POLQ: variants seen among roughly 807,000 people sequenced by gnomAD.
The protein encoded by POLQ is epididymis secretory sperm binding protein.
Under a neutral mutation model 259.2 loss-of-function variants are expected in POLQ, and 233 were observed. The observed-to-expected ratio is 0.90, with a 90% confidence interval of 0.81 to 1.00. The LOEUF is 1.00. POLQ is among the 50% of genes least tolerant of loss of function. The pLI, the probability that POLQ is intolerant of heterozygous loss-of-function variation, is 0.00. For missense variants in POLQ, 2,871 were observed against 3,051.6 expected, an observed-to-expected ratio of 0.94 and a Z score of 1.39; for synonymous variants, 1,025 against 1,048.8, an observed-to-expected ratio of 0.98 and a Z score of 0.44.
chr3:121,467,269 G>T (rs186257052), intron 24 of POLQ, among the ~76,000 whole-genome samples: 1 of 152,214 alleles, frequency 6.6e-6, no homozygotes, highest in East Asian at 1.9e-4. Context: ...TTACAATGAC[G>T]TTAGAAAACA....
chr3:121,452,529 T>C (rs967576801), intron 25 of POLQ, among the ~76,000 whole-genome samples: 2 of 151,014 alleles, frequency 1.3e-5, no homozygotes, highest in African/African-American at 2.4e-5. Context: ...CTTAGTGCTG[T>C]CTGAGATCTC....
intron 14 of POLQ, chr3:121,494,034 CCTCT>C (rs139763995): frequency 1.3e-5 from 8 of 599,782 alleles, no homozygotes; most frequent in East Asian, 5.6e-5. Context: ...CTAATTCATT[CCTCT>C]CTCTCTCTCT....
chr3:121,499,261 C>A, intron 12 of POLQ, among the ~76,000 whole-genome samples: 1 of 133,358 alleles, frequency 7.5e-6, no homozygotes, highest in African/African-American at 2.8e-5. Context: ...TTTATAGAAC[C>A]CAAGTCTTTT....
rs200881849 is a variant in POLQ, at chr3:121,487,695, T to C, written c.5236A>G (p.Lys1746Glu). Residue 1746 changes from lysine to glutamate, a missense_variant, in exon 16 of 30, where the codon AAG becomes GAG. Lys to Glu is a moderately conservative substitution (Grantham distance 56). Transcript: ENST00000264233. ...TCAAGAATCCCTGGAAATGTCAGCT[T>C]AGAAGCAGATGTTGGAATGGGTGTA... is the stretch of plus-strand genomic sequence containing the variant. ...PPTPIPTSAS[K>E]LTFPGILETP... The C allele has an allele frequency of 1.6e-5, 26 of 1,613,978 alleles. No homozygotes were observed. The Admixed American group carries it at 2.5e-4, about 16-fold the overall frequency.
chr3:121,500,067 G>A (rs1449961606), intron 12 of POLQ, among the ~76,000 whole-genome samples: 3 of 152,144 alleles, frequency 2.0e-5, no homozygotes, highest in African/African-American at 4.8e-5. Context: ...GACCACTTGA[G>A]CTCAGGAGTT....
At position 121,537,117 on chromosome 3, in the gene POLQ, A is replaced by C; in HGVS notation, c.723T>G (p.Thr241=). ...GTACTTACCAAGATGCTGATTTCCGAGTAATATAGCAAATCTTGGTCAGCA... is the reference window on the plus strand; with the variant it reads ...GTACTTACCAAGATGCTGATTTCCGCGTAATATAGCAAATCTTGGTCAGCA... ...ELLLTKICYI[T]RKSASCQADL... is the part of the protein sequence containing the mutation. The change falls in exon 5 of 30, where the codon ACT becomes ACG. Residue 241 remains threonine, a synonymous_variant. Transcript: ENST00000264233. 3 of 1,549,074 alleles carry C rather than the reference A, an allele frequency of 1.9e-6. No homozygotes were observed. Among genetic ancestry groups the C allele is most frequent in the Non-Finnish European group, 2.7e-6 (3 of 1,120,988 alleles).
At chr3:121,509,215 T>C (rs2048233097) in intron 12 of POLQ, among the ~76,000 whole-genome samples, 2 of 152,328 alleles carry the variant, frequency 1.3e-5, no homozygotes, top group African/African-American at 2.4e-5. Context: ...CGCATGTTTG[T>C]GTACTGACCT....
chr3:121,467,122 T>C (rs542809158), intron 24 of POLQ, among the ~76,000 whole-genome samples: 24 of 151,678 alleles, frequency 1.6e-4, no homozygotes, highest in Non-Finnish European at 3.2e-4. Flanking sequence ...GCAAACAAGT[T>C]AGAAGGAGAG....
chr3:121,503,852 T>C (rs2048190727), intron 12 of POLQ, among the ~76,000 whole-genome samples: 1 of 152,148 alleles, frequency 6.6e-6, no homozygotes, highest in African/African-American at 2.4e-5. Flanking sequence ...GTATGTTCAG[T>C]ACAGAAAAAA....
Position 121,493,726 on chromosome 3 carries a change from A to G in POLQ, c.2279-5T>C. The G allele has an allele frequency of 1.2e-6, 2 of 1,606,862 alleles. No individual in the cohort carries two copies. Among genetic ancestry groups the G allele is most frequent in the South Asian group, 1.1e-5 (1 of 90,414 alleles). On this transcript the variant is annotated splice_region_variant and splice_polypyrimidine_tract_variant and intron_variant, in intron 14 of 29. Coordinates refer to ENST00000264233, the MANE Select transcript of POLQ (RefSeq NM_199420.4). Reference sequence around the variant, plus strand: ...TGGAAAATACTGTAATCATCCCTAGAACATTCATAGAATATTTGTTGAATT... The same window carrying G: ...TGGAAAATACTGTAATCATCCCTAGGACATTCATAGAATATTTGTTGAATT...
chr3:121,477,436 A>G (rs959591685), intron 19 of POLQ, among the ~76,000 whole-genome samples: 3 of 152,172 alleles, frequency 2.0e-5, no homozygotes, highest in African/African-American at 7.2e-5. Flanking sequence ...TCCCCAAGAT[A>G]TCTCATTATA....
intron 26 of POLQ, among the ~76,000 whole-genome samples, chr3:121,447,064 T>TC (rs1271169642): frequency 1.3e-5 from 2 of 151,756 alleles, no homozygotes; most frequent in Non-Finnish European, 2.9e-5. Flanking sequence ...TAAAGGTGAT[T>TC]TTTTCTGGTG....
At position 121,488,793 on chromosome 3, in the gene POLQ, G is replaced by C. The variant is rs1204227871; in HGVS notation, c.4138C>G (p.His1380Asp). 1.9e-6 allele frequency: 3 copies of C among 1,613,808 alleles called. No individual in the cohort carries two copies. The highest frequency in any genetic ancestry group is 2.5e-6 in the Non-Finnish European group (3 of 1,179,928). Reference sequence around the variant, plus strand: ...TCTATCTTAGTCGCTCCTAGAGGGTGCTGTTCAGCAGGAAAAGGAATGTGA... The same window carrying C: ...TCTATCTTAGTCGCTCCTAGAGGGTCCTGTTCAGCAGGAAAAGGAATGTGA... The part of the protein sequence containing the change: ...ECHIPFPAEQ[H>D]PLGATKIDHL... Residue 1380 changes from histidine to aspartate, a missense_variant, in exon 16 of 30, where the codon CAC (histidine) becomes GAC (aspartate). Physicochemically the swap from His to Asp is moderately conservative, Grantham distance 81. This residue lies in a region of POLQ where 2,080 missense variants were observed against 2,126.0 expected (regional missense o/e 0.98). Transcript: ENST00000264233.
chr3:121,440,266 C>A, intron 26 of POLQ, 150 bp from the exon 27 acceptor site: 3 of 577,016 alleles, frequency 5.2e-6, no homozygotes, highest in East Asian at 2.9e-5. Context: ...AACTTTCATT[C>A]ACTTTTTCTA....
chr3:121,446,857 T>C (rs938608613), intron 26 of POLQ, among the ~76,000 whole-genome samples: 12 of 152,172 alleles, frequency 7.9e-5, no homozygotes, highest in East Asian at 5.8e-4. Context: ...GTGTTTCCTG[T>C]AGGGAACAGA....
rs1340952234 is a variant in POLQ, at chr3:121,488,400, C to T, written c.4531G>A (p.Glu1511Lys). The T allele has an allele frequency of 1.9e-6, 3 of 1,612,872 alleles. No individual in the cohort carries two copies. The highest frequency in any genetic ancestry group is 2.2e-5 in the East Asian group (1 of 44,858). Reference protein sequence around the residue: ...KEQLPDMQMKEPLPSEVTSNH... With the variant: ...KEQLPDMQMKKPLPSEVTSNH... ...GATGTTACTTCTGAAGGAAGGGGTT[C>T]TTTCATTTGCATATCAGGTAATTGT... The change falls in exon 16 of 30, where the codon GAA becomes AAA. Residue 1511 changes from glutamate to lysine, a missense_variant. Glu to Lys is a moderately conservative substitution (Grantham distance 56, BLOSUM62 1). Transcript: ENST00000264233.
In POLQ at chr3:121,476,665, A is replaced by G. The variant is rs1359676610; in HGVS notation, c.6280T>C (p.Phe2094Leu). The stretch of plus-strand genomic sequence containing the variant: ...TGACTTTCACATTCTGCAGTACTAA[A>G]GCCAATTCCATTTAGTTCTAGCAAG... ...LALLELNGIGFSTAECESQKH... is the reference protein window; with the variant it reads ...LALLELNGIGLSTAECESQKH... Residue 2094 changes from phenylalanine to leucine, a missense_variant, in exon 20 of 30, where the codon TTT becomes CTT. Transcript: ENST00000264233. 2 of 1,613,778 alleles carry G rather than the reference A, an allele frequency of 1.2e-6. No individual in the cohort carries two copies. Among genetic ancestry groups the G allele is most frequent in the Non-Finnish European group, 1.7e-6 (2 of 1,179,702 alleles).
intron 26 of POLQ, among the ~76,000 whole-genome samples, chr3:121,440,373 AC>A (rs1166139950): frequency 6.6e-6 from 1 of 152,116 alleles, no homozygotes; most frequent in Non-Finnish European, 1.5e-5. Context: ...TCACTCTGTC[AC>A]CCAGGTGGGA....
intron 24 of POLQ, among the ~76,000 whole-genome samples, chr3:121,461,238 A>T (rs917113826): frequency 2.6e-5 from 4 of 152,220 alleles, no homozygotes; most frequent in African/African-American, 9.7e-5. Context: ...TATCGAAATT[A>T]AACAGGTTTT....
Sources: gnomAD v4.1 joint callset for allele counts (sites outside exome capture counted in the v4.1 genomes callset) on GRCh38, gnomAD v4.1.1 for gene constraint, gnomAD v4.1.1 regional missense constraint, MANE v1.5 for transcripts, NCBI Gene and HGNC (gene_info 2026-07-23, HGNC 2026-07-21) for gene names.